C10orf67: variants seen among roughly 807,000 people sequenced by gnomAD.
The protein encoded by C10orf67 is uncharacterized protein C10orf67, mitochondrial.
Under a neutral mutation model 35.6 loss-of-function variants are expected in C10orf67, and 60 were observed. That is an observed-to-expected ratio of 1.68 (90% CI 1.37 to 2.09). C10orf67 has a LOEUF of 2.09. C10orf67 is among the 30% of genes most tolerant of loss of function. The pLI, the probability that C10orf67 is intolerant of heterozygous loss-of-function variation, is 0.00. For synonymous variants in C10orf67, 167 were observed against 115.8 expected (o/e 1.44, Z -2.84); for missense variants, 474 against 330.2 (o/e 1.44, Z -3.38).
chr10:23,214,781 G>A (rs1320766092), intron 15 of C10orf67, among the ~76,000 whole-genome samples: 1 of 152,212 alleles, frequency 6.6e-6, no homozygotes, highest in East Asian at 1.9e-4. Flanking sequence ...CCAGCACTTA[G>A]GGAGGCTAAG....
chr10:23,303,179 T>G, intron 5 of C10orf67, 125 bp downstream of exon 5: 2 of 381,534 alleles, frequency 5.2e-6, no homozygotes, highest in Non-Finnish European at 9.5e-6. Flanking sequence ...TAGACTGGCT[T>G]ATATTATGGG....
intron 12 of C10orf67, among the ~76,000 whole-genome samples, chr10:23,248,339 A>G (rs760586347): frequency 1.1e-3 from 175 of 152,196 alleles, no homozygotes; most frequent in Non-Finnish European, 1.3e-4. Flanking sequence ...TTGTGCGACA[A>G]TGATGACATA....
intron 15 of C10orf67, among the ~76,000 whole-genome samples, chr10:23,205,273 A>G (rs1414203904): frequency 1.3e-5 from 2 of 152,184 alleles, no homozygotes; most frequent in Admixed American, 1.3e-4. Context: ...AGTAATGTCC[A>G]ATGCTACACA....
intron 4 of C10orf67, among the ~76,000 whole-genome samples, chr10:23,315,696 C>A (rs192290051): frequency 2.0e-5 from 3 of 152,276 alleles, no homozygotes; most frequent in Non-Finnish European, 4.4e-5. Context: ...CTGCCTCGGC[C>A]CCCCACAGTG....
rs537249693 is a variant in C10orf67, at chr10:23,341,291, T to A, written c.206+3278A>T. Among the ~76,000 whole-genome samples, 3 of 152,320 alleles carry A rather than the reference T, an allele frequency of 2.0e-5. No homozygotes were observed. In the East Asian group the frequency reaches 5.8e-4, roughly 29 times the overall value. On this transcript the variant is annotated intron_variant, in intron 1 of 15. Coordinates refer to ENST00000636213, the MANE Select transcript of C10orf67 (RefSeq NM_001371909.1). ...GCCTAAATGGATGTCTAATAGTCAC[T>A]GCTGACATATAATGACCAGAAGTAA...
At chr10:23,291,074 G>A in intron 6 of C10orf67, 58 bp downstream of exon 6, 2 of 654,048 alleles carry the variant, frequency 3.1e-6, no homozygotes, top group Non-Finnish European at 5.6e-6. Flanking sequence ...ACATAGTTAT[G>A]AGCTTTACAA....
chr10:23,307,649 C>G (rs1184604846), intron 4 of C10orf67, among the ~76,000 whole-genome samples: 1 of 148,626 alleles, frequency 6.7e-6, no homozygotes, highest in Non-Finnish European at 1.5e-5. Context: ...CACTCTCACC[C>G]AGGCTGGAGT....
chr10:23,327,943 C>T (rs1845260816), intron 2 of C10orf67, among the ~76,000 whole-genome samples: 1 of 152,084 alleles, frequency 6.6e-6, no homozygotes, highest in African/African-American at 2.4e-5. Context: ...GGACTGCGTT[C>T]TCCAACAAGA....
chr10:23,265,015 C>T (rs576833250), intron 10 of C10orf67, among the ~76,000 whole-genome samples: 9 of 152,374 alleles, frequency 5.9e-5, no homozygotes, highest in African/African-American at 2.2e-4. Context: ...AAAAATCTTA[C>T]TTCTAGAACG....
intron 2 of C10orf67, 26 bp from the exon 3 acceptor site, chr10:23,322,563 G>A: frequency 6.6e-7 from 1 of 1,505,844 alleles, no homozygotes; most frequent in South Asian, 1.2e-5. Context: ...ATTATCCTTA[G>A]CGAAGTAACA....
At chr10:23,334,012 T>C (rs1004454569) in intron 1 of C10orf67, among the ~76,000 whole-genome samples, 3 of 152,198 alleles carry the variant, frequency 2.0e-5, no homozygotes, top group Non-Finnish European at 2.9e-5. Flanking sequence ...TATTAACACA[T>C]ACCTGATTTA....
intron 5 of C10orf67, among the ~76,000 whole-genome samples, chr10:23,295,025 A>C (rs1251216402): frequency 6.6e-6 from 1 of 152,220 alleles, no homozygotes; most frequent in Non-Finnish European, 1.5e-5. Flanking sequence ...TATGCTTTCC[A>C]TCACCCTCAG....
intron 2 of C10orf67, among the ~76,000 whole-genome samples, chr10:23,332,000 A>G (rs937665421): frequency 6.6e-6 from 1 of 152,238 alleles, no homozygotes; most frequent in Non-Finnish European, 1.5e-5. Flanking sequence ...TAAAATCTCT[A>G]TGCAGGGCAA....
chr10:23,336,169 G>C (rs547544535), intron 1 of C10orf67, among the ~76,000 whole-genome samples: 1 of 152,308 alleles, frequency 6.6e-6, no homozygotes, highest in South Asian at 2.1e-4. Context: ...GAATGAGTAA[G>C]TAAATGTTCT....
rs111850972 is a variant in C10orf67 at position 23,314,190 on chromosome 10, A to AAACAAC, written c.546+6545_546+6550dup. ...GAGACAGAGCAAGACTCTGTTTCAAAAACAACAACAACAACGAATACCCAA... is the reference window on the plus strand; with the variant it reads ...GAGACAGAGCAAGACTCTGTTTCAAAAACAACAACAACAACAACAACGAATACCCAA... On this transcript the variant is annotated intron_variant, in intron 4 of 15. Coordinates refer to ENST00000636213, the MANE Select transcript of C10orf67 (RefSeq NM_001371909.1). Among the ~76,000 whole-genome samples, 182 of 151,474 alleles carry AAACAAC rather than the reference A, an allele frequency of 1.2e-3. 1 individual carries two copies. Among genetic ancestry groups the AAACAAC allele is most frequent in the African/African-American group, 4.2e-3 (171 of 41,128 alleles).
intron 13 of C10orf67, among the ~76,000 whole-genome samples, chr10:23,230,113 T>C (rs1223643140): frequency 6.6e-6 from 1 of 152,082 alleles, no homozygotes; most frequent in Non-Finnish European, 1.5e-5. Flanking sequence ...AAATCAGTGT[T>C]ATATTGGTGC....
chr10:23,246,118 A>G (rs1038191069), intron 12 of C10orf67, among the ~76,000 whole-genome samples: 3 of 152,238 alleles, frequency 2.0e-5, no homozygotes, highest in Admixed American at 1.3e-4. Flanking sequence ...CAAATACCAC[A>G]TGTTCACATT....
chr10:23,258,757 A>C (rs1842670110), intron 10 of C10orf67, among the ~76,000 whole-genome samples: 1 of 152,214 alleles, frequency 6.6e-6, no homozygotes, highest in Non-Finnish European at 1.5e-5. Flanking sequence ...CCTGGCCCTG[A>C]CAAAAAGCTG....
At chr10:23,204,772 TC>T (rs1346094670) in intron 15 of C10orf67, among the ~76,000 whole-genome samples, 12 of 152,138 alleles carry the variant, frequency 7.9e-5, no homozygotes, top group Admixed American at 7.2e-4. Flanking sequence ...TGGGAAGATG[TC>T]CCCACCCCCT....
Sources: allele counts gnomAD v4.1 joint callset (sites outside exome capture counted in the v4.1 genomes callset), GRCh38; gene constraint gnomAD v4.1.1; transcripts MANE v1.5; gene names NCBI Gene and HGNC (gene_info 2026-07-23, HGNC 2026-07-21).